The following KCND2 variants were observed in gnomAD, a reference collection of about 807,000 sequenced individuals.
KCND2 encodes potassium voltage-gated channel subfamily D member 2.
In KCND2, 16 loss-of-function variants were observed where a neutral mutation model predicts 54.4. The ratio of observed to expected loss-of-function variants is 0.29; its 90% CI spans 0.20 to 0.45. The LOEUF (loss-of-function observed/expected upper bound fraction) is 0.45. Among genes scored for constraint, KCND2 ranks in the 20% least tolerant of loss-of-function variants. The pLI is 1.00. For missense variants in KCND2, 486 were observed against 824.2 expected (o/e 0.59, Z 5.02); for synonymous variants, 317 against 310.7 (o/e 1.02, Z -0.21).
chr7:120,319,854 T>C (rs774865438), intron 1 of KCND2, among the ~76,000 whole-genome samples: 2 of 152,120 alleles, frequency 1.3e-5, no homozygotes, highest in Non-Finnish European at 2.9e-5. Flanking sequence ...TTTTAATCTA[T>C]ATATTCTAAT....
At chr7:120,369,260 C>T (rs1203252102) in intron 1 of KCND2, among the ~76,000 whole-genome samples, 1 of 151,576 alleles carries the variant, frequency 6.6e-6, no homozygotes, top group Admixed American at 6.6e-5. Flanking sequence ...ATCTGCAAAC[C>T]GTGTGGTTAA....
At chr7:120,493,079 A>C (rs998416107) in intron 1 of KCND2, among the ~76,000 whole-genome samples, 1 of 152,018 alleles carries the variant, frequency 6.6e-6, no homozygotes, top group African/African-American at 2.4e-5. Flanking sequence ...CTTGGGTGAC[A>C]CTAATGCCTT....
chr7:120,585,192 A>G (rs1792577226), intron 1 of KCND2, among the ~76,000 whole-genome samples: 1 of 150,562 alleles, frequency 6.6e-6, no homozygotes, highest in Non-Finnish European at 1.5e-5. Context: ...TTTTTTTTTT[A>G]AAGAAAATCT....
intron 1 of KCND2, among the ~76,000 whole-genome samples, chr7:120,506,945 AAAAG>A (rs975824960): frequency 2.0e-5 from 3 of 151,822 alleles, no homozygotes; most frequent in South Asian, 2.1e-4. Context: ...AAGCCCACAA[AAAAG>A]AAAGAGCCAA....
chr7:120,372,194 C>T (rs1018405242), intron 1 of KCND2, among the ~76,000 whole-genome samples: 1 of 151,806 alleles, frequency 6.6e-6, no homozygotes, highest in African/African-American at 2.4e-5. Flanking sequence ...TTTGATGATA[C>T]TCTTATAAGT....
chr7:120,636,878 C>G (rs927814590), intron 1 of KCND2, among the ~76,000 whole-genome samples: 4 of 152,054 alleles, frequency 2.6e-5, no homozygotes, highest in African/African-American at 7.2e-5. Context: ...TACAGTATGC[C>G]TATATACCCT....
intron 1 of KCND2, among the ~76,000 whole-genome samples, chr7:120,368,455 C>T (rs1019292799): frequency 1.3e-5 from 2 of 151,930 alleles, no homozygotes; most frequent in Admixed American, 1.3e-4. Flanking sequence ...TTTTAAAAAT[C>T]GATTAAATTG....
intron 1 of KCND2, among the ~76,000 whole-genome samples, chr7:120,322,947 TAA>T (rs1175168541): frequency 6.6e-6 from 1 of 152,174 alleles, no homozygotes; most frequent in African/African-American, 2.4e-5. Flanking sequence ...ATTTATAGTA[TAA>T]AATAAATAGT....
intron 1 of KCND2, among the ~76,000 whole-genome samples, chr7:120,528,045 C>G (rs1791798494): frequency 6.6e-6 from 1 of 152,032 alleles, no homozygotes; most frequent in South Asian, 2.1e-4. Flanking sequence ...ATACAATAAG[C>G]TATTACAACA....
intron 1 of KCND2, among the ~76,000 whole-genome samples, chr7:120,345,676 G>A (rs1002774918): frequency 3.3e-5 from 5 of 152,096 alleles, no homozygotes; most frequent in African/African-American, 1.2e-4. Context: ...TCTTGTTGTA[G>A]CATGTGTCAA....
intron 1 of KCND2, among the ~76,000 whole-genome samples, chr7:120,371,311 A>T (rs779936735): frequency 5.9e-5 from 9 of 152,080 alleles, no homozygotes. Flanking sequence ...GCACTGCCTT[A>T]TTTTTAATCA....
At chr7:120,541,878 A>G (rs763874142) in intron 1 of KCND2, among the ~76,000 whole-genome samples, 12 of 152,184 alleles carry the variant, frequency 7.9e-5, no homozygotes, top group Admixed American at 6.6e-4. Context: ...AGTAGTTTAT[A>G]ACCTATGTCA....
intron 1 of KCND2, among the ~76,000 whole-genome samples, chr7:120,391,526 C>G (rs1318890851): frequency 6.6e-6 from 1 of 152,092 alleles, no homozygotes; most frequent in African/African-American, 2.4e-5. Flanking sequence ...AATTTATACT[C>G]CCACCAACAG....
intron 1 of KCND2, among the ~76,000 whole-genome samples, chr7:120,701,449 T>G (rs756030832): frequency 3.3e-5 from 5 of 152,044 alleles, no homozygotes; most frequent in African/African-American, 4.8e-5. Context: ...GATAGCCAAG[T>G]GCTCATATTC....
chr7:120,686,132 C>T (rs750998402), intron 1 of KCND2, among the ~76,000 whole-genome samples: 8 of 152,102 alleles, frequency 5.3e-5, no homozygotes, highest in African/African-American at 9.7e-5. Flanking sequence ...CATAAGAACC[C>T]GGATTCTAAA....
chr7:120,574,802 T>C (rs775284514), intron 1 of KCND2, among the ~76,000 whole-genome samples: 7 of 152,180 alleles, frequency 4.6e-5, no homozygotes, highest in Non-Finnish European at 1.0e-4. Context: ...TTTTGCAACA[T>C]CAACAAAACA....
chr7:120,625,380 T>C (rs1793152493), intron 1 of KCND2, among the ~76,000 whole-genome samples: 1 of 152,220 alleles, frequency 6.6e-6, no homozygotes, highest in Non-Finnish European at 1.5e-5. Flanking sequence ...TGCAAAAATA[T>C]TATCTACTAT....
At chr7:120,716,335 C>A (rs1281487736) in intron 1 of KCND2, among the ~76,000 whole-genome samples, 1 of 151,904 alleles carries the variant, frequency 6.6e-6, no homozygotes, top group African/African-American at 2.4e-5. Flanking sequence ...AAAAAAATGG[C>A]CACTTATGAC....
At chr7:120,279,278 G>T (rs1175431333) in intron 1 of KCND2, among the ~76,000 whole-genome samples, 1 of 151,638 alleles carries the variant, frequency 6.6e-6, no homozygotes, top group African/African-American at 2.4e-5. Context: ...TAATTGAAGG[G>T]TTATTATTAT....
Sources: allele counts gnomAD v4.1 joint callset (sites outside exome capture counted in the v4.1 genomes callset), GRCh38; gene constraint gnomAD v4.1.1; transcripts MANE v1.5; gene names NCBI Gene and HGNC (gene_info 2026-07-23, HGNC 2026-07-21).